Variants in RAB11FIP1 observed in about 807,000 individuals in gnomAD.
RAB11FIP1 encodes the protein RAB11 family interacting protein 1, also known as rab11 family-interacting protein 1.
Under a neutral mutation model 83.1 loss-of-function variants are expected in RAB11FIP1, and 49 were observed. The observed-to-expected ratio is 0.59, with a 90% CI of 0.47 to 0.75. The LOEUF (loss-of-function observed/expected upper bound fraction) is 0.75, where lower values mean the gene tolerates loss of function less well. Among genes scored for constraint, RAB11FIP1 ranks in the 30% least tolerant of loss-of-function variants. The pLI is 0.00. For missense variants in RAB11FIP1, 1,536 were observed against 1,598.7 expected (o/e 0.96, Z 0.67); for synonymous variants, 670 against 656.0 (o/e 1.02, Z -0.33).
In RAB11FIP1 at chr8:37,899,345, T is replaced by C; in HGVS notation, c.97A>G (p.Lys33Glu). 2 of 1,607,798 alleles carry C rather than the reference T, an allele frequency of 1.2e-6. No homozygotes were observed. Among genetic ancestry groups the C allele is most frequent in the Middle Eastern group, 1.7e-4 (1 of 6,040 alleles). Reference sequence around the variant, plus strand: ...GCGTCGCTCGTGCCCCCGGGGCCCTTGGCCCGCAGGCCCCGCGCCTGCAGC... The same window carrying C: ...GCGTCGCTCGTGCCCCCGGGGCCCTCGGCCCGCAGGCCCCGCGCCTGCAGC... ...TVLQARGLRAKGPGGTSDAYA... is the reference protein window; with the variant it reads ...TVLQARGLRAEGPGGTSDAYA... Residue 33 changes from lysine (K) to glutamate (E), a missense_variant, in exon 1 of 6, where the codon AAG (lysine) becomes GAG (glutamate). Physicochemically the swap from Lys to Glu is moderately conservative, Grantham distance 56. Transcript: ENST00000330843. This position sits in a 1 kb window ranked among gnomAD's most constrained non-coding sequence, Gnocchi z 4.5.
chr8:37,892,696 C>G (rs151053881), intron 1 of RAB11FIP1, among the ~76,000 whole-genome samples: 1 of 152,110 alleles, frequency 6.6e-6, no homozygotes, highest in African/African-American at 2.4e-5. Flanking sequence ...CCTTGGCCTC[C>G]CAAAGTACTG....
At position 37,894,813 on chromosome 8, in the gene RAB11FIP1, G is replaced by A. The variant is rs572023947; in HGVS notation, c.371+4258C>T. Among the ~76,000 whole-genome samples the A allele has an allele frequency of 3.3e-5, 5 of 150,090 alleles. No individual in the cohort carries two copies. In the South Asian group the frequency reaches 8.4e-4, roughly 25 times the overall value. On this transcript the variant is annotated intron_variant, in intron 1 of 5. Transcript: ENST00000330843. ...CGCCCAGGCTGGAATGCAGTGGTGCGATCTCAGCTCACTGCAACCTCCACC... is the reference window on the plus strand; with the variant it reads ...CGCCCAGGCTGGAATGCAGTGGTGCAATCTCAGCTCACTGCAACCTCCACC...
At chr8:37,865,815 T>C (rs1369659628) in intron 5 of RAB11FIP1, among the ~76,000 whole-genome samples, 1 of 152,224 alleles carries the variant, frequency 6.6e-6, no homozygotes, top group African/African-American at 2.4e-5. Context: ...TTTCAATTTG[T>C]ACAATTATAT....
At chr8:37,897,183 T>C (rs1228347469) in intron 1 of RAB11FIP1, among the ~76,000 whole-genome samples, 1 of 151,966 alleles carries the variant, frequency 6.6e-6, no homozygotes, top group African/African-American at 2.4e-5. Flanking sequence ...TTTTATCTGA[T>C]GTGAGTTCAG....
At chr8:37,893,139 A>G (rs1806984632) in intron 1 of RAB11FIP1, among the ~76,000 whole-genome samples, 1 of 150,688 alleles carries the variant, frequency 6.6e-6, no homozygotes, top group Non-Finnish European at 1.5e-5. Flanking sequence ...CAGTGGAGCA[A>G]TCTCGGCTCA....
intron 1 of RAB11FIP1, among the ~76,000 whole-genome samples, chr8:37,888,257 C>T (rs1317167896): frequency 6.6e-6 from 1 of 151,508 alleles, no homozygotes; most frequent in Middle Eastern, 3.4e-3. Context: ...CAGGCGCCCA[C>T]CACTACACCC....
In RAB11FIP1 at chr8:37,871,278, C is replaced by T. The variant is rs368503751; in HGVS notation, c.3524G>A (p.Arg1175Lys). 1.2e-6 allele frequency: 2 copies of T among 1,602,062 alleles called. No individual in the cohort carries two copies. Among genetic ancestry groups the T allele is most frequent in the Admixed American group, 1.7e-5 (1 of 57,544 alleles). Residue 1175 changes from arginine (R) to lysine (K), a missense_variant and splice_region_variant, in exon 4 of 6, where the codon AGA (arginine) becomes AAA (lysine). By Grantham distance (26) the Arg-to-Lys change is conservative. Coordinates refer to ENST00000330843, the MANE Select transcript of RAB11FIP1 (RefSeq NM_001002814.3). The stretch of plus-strand genomic sequence containing the variant: ...ATAGACAATCTCCCCCATCTCTCAC[C>T]TGTGCTTGGCTGACCCAGTTCCAGC... Reference protein sequence around the residue: ...PGAGTGSAKHRLHPVKPMNAM... With the variant: ...PGAGTGSAKHKLHPVKPMNAM...
In RAB11FIP1 at chr8:37,859,338, G is replaced by A. The variant is rs1011973332; in HGVS notation, c.*3557C>T. ...GCCTCTCTCTACAGTATGTGGCTGA[G>A]CATCATGGACCTTCCTCCCTCTGCC... is the stretch of plus-strand genomic sequence containing the variant. On this transcript the variant is annotated 3_prime_UTR_variant, in exon 6 of 6. Coordinates refer to ENST00000330843, the MANE Select transcript of RAB11FIP1 (RefSeq NM_001002814.3). The A allele has an allele frequency of 1.3e-5, 2 of 152,234 alleles. No homozygotes were observed. The highest frequency in any genetic ancestry group is 2.4e-5 in the African/African-American group (1 of 41,448). 9.4% of individuals were successfully genotyped at this position (152,234 alleles called of 1,614,324 possible).
rs527422569 is a variant in RAB11FIP1, at chr8:37,862,666, T to C, written c.*229A>G. On this transcript the variant is annotated 3_prime_UTR_variant, in exon 6 of 6. Coordinates refer to ENST00000330843, the MANE Select transcript of RAB11FIP1 (RefSeq NM_001002814.3). ...TGGGCATAAAATATTTACAACCTTG[T>C]TAAAGGCACAGTGGCATTTAAAACT... 10 of 472,518 alleles carry C rather than the reference T, an allele frequency of 2.1e-5. No homozygotes were observed. The highest frequency in any genetic ancestry group is 3.8e-5 in the Non-Finnish European group (10 of 261,678). 29.3% of individuals were successfully genotyped at this position (472,518 alleles called of 1,614,324 possible).
rs1314058881 is a variant in RAB11FIP1, at chr8:37,872,362, G to A, written c.2440C>T (p.Gln814Ter). 6.2e-7 allele frequency: 1 copy of A among 1,614,090 alleles called. No homozygotes were observed. The highest frequency in any genetic ancestry group is 1.3e-5 in the African/African-American group (1 of 74,932). The change falls in exon 4 of 6, where the codon CAG becomes TAG. Residue 814 changes from glutamine (Q) to a stop codon, truncating the protein, a stop_gained. Coordinates refer to ENST00000330843, the MANE Select transcript of RAB11FIP1 (RefSeq NM_001002814.3). LOFTEE classifies it high-confidence loss of function. ...KTKKRVSFSEQLFTEEAVAGA... is the reference protein window; with the variant it reads ...KTKKRVSFSE ...GCCACTGCCTCTTCCGTGAAGAGCT[G>A]CTCAGAAAATGACACACGCTTCTTG... is the stretch of plus-strand genomic sequence containing the variant.
At position 37,862,605 on chromosome 8, in the gene RAB11FIP1, C is replaced by G. The variant is rs1045483358; in HGVS notation, c.*290G>C. The stretch of plus-strand genomic sequence containing the variant: ...AATACTTCCTGTGCCATCTGAATCT[C>G]TGGCTCAGGATCAGATCTTATGACC... On this transcript the variant is annotated 3_prime_UTR_variant, in exon 6 of 6. Transcript: ENST00000330843. 5 of 288,036 alleles carry G rather than the reference C, an allele frequency of 1.7e-5. No homozygotes were observed. The highest frequency in any genetic ancestry group is 2.6e-5 in the Non-Finnish European group (4 of 151,670). The allele number at this position is 288,036 out of a possible 1,614,324, so 17.8% of individuals were successfully genotyped here.
chr8:37,890,611 T>C (rs921147076), intron 1 of RAB11FIP1, among the ~76,000 whole-genome samples: 3 of 152,050 alleles, frequency 2.0e-5, no homozygotes, highest in African/African-American at 7.2e-5. Flanking sequence ...ACAGGCATCA[T>C]TAGCCAGCAA....
At position 37,864,338 on chromosome 8, in the gene RAB11FIP1, C is replaced by T. The variant is rs1806301545; in HGVS notation, c.3634-1225G>A. Among the ~76,000 whole-genome samples the T allele has an allele frequency of 1.3e-5, 2 of 152,136 alleles. 1 individual carries two copies. Among genetic ancestry groups the T allele is most frequent in the South Asian group, 4.1e-4 (2 of 4,824 alleles). On this transcript the variant is annotated intron_variant, in intron 5 of 5. Coordinates refer to ENST00000330843, the MANE Select transcript of RAB11FIP1 (RefSeq NM_001002814.3). Reference sequence around the variant, plus strand: ...TGAAAAGTCACATGCTGTGTAAGTCCCCAGTAAGGAAAAAAAAGTGACTTT... The same window carrying T: ...TGAAAAGTCACATGCTGTGTAAGTCTCCAGTAAGGAAAAAAAAGTGACTTT...
At chr8:37,885,515 G>A (rs1318618454) in intron 1 of RAB11FIP1, among the ~76,000 whole-genome samples, 2 of 152,102 alleles carry the variant, frequency 1.3e-5, no homozygotes, top group East Asian at 1.9e-4. Context: ...CTACCCTGCA[G>A]TTTTTGTTTT....
rs953924704 is a variant in RAB11FIP1 at position 37,899,019 on chromosome 8, C to G, written c.371+52G>C. 2.2e-4 allele frequency: 306 copies of G among 1,415,190 alleles called. No homozygotes were observed. The highest frequency in any genetic ancestry group is 2.6e-4 in the Non-Finnish European group (287 of 1,093,960). 87.7% of individuals were successfully genotyped at this position (1,415,190 alleles called of 1,614,324 possible). A position where few individuals can be genotyped will look rare whatever the true frequency, so the allele number is the denominator to read the frequency against. Reference sequence around the variant, plus strand: ...GGGTCCAGCGCCCAGACCGCCCTGCCGGAGGGGTCCGCGCCCCCAGGCCGG... The same window carrying G: ...GGGTCCAGCGCCCAGACCGCCCTGCGGGAGGGGTCCGCGCCCCCAGGCCGG... On this transcript the variant is annotated intron_variant, in intron 1 of 5. Coordinates refer to ENST00000330843, the MANE Select transcript of RAB11FIP1 (RefSeq NM_001002814.3). The surrounding 1 kb of genome is among the most constrained non-coding windows in gnomAD (Gnocchi z 4.5).
Position 37,875,305 on chromosome 8 carries a change from T to C in RAB11FIP1, c.832A>G (p.Thr278Ala). 2 of 1,611,306 alleles carry C rather than the reference T, an allele frequency of 1.2e-6. No individual in the cohort carries two copies. Among genetic ancestry groups the C allele is most frequent in the East Asian group, 4.5e-5 (2 of 44,864 alleles). Residue 278 changes from threonine to alanine, a missense_variant, in exon 3 of 6, where the codon ACA (threonine) becomes GCA (alanine). Transcript: ENST00000330843. ...AGTTGCTTAAGATCCGTACTCGCTG[T>C]TCTCTTGTGAGACATGACTTTGGGA... ...SASDVMSHKRTASTDLKQLNQ... is the reference protein window; with the variant it reads ...SASDVMSHKRAASTDLKQLNQ...
intron 1 of RAB11FIP1, among the ~76,000 whole-genome samples, chr8:37,898,697 G>C (rs1365026996): frequency 1.3e-5 from 2 of 151,266 alleles, no homozygotes; most frequent in South Asian, 2.1e-4. Context: ...GTGCGCGCCT[G>C]TAATCCCAGC....
At chr8:37,898,262 A>T (rs938870491) in intron 1 of RAB11FIP1, among the ~76,000 whole-genome samples, 3 of 150,898 alleles carry the variant, frequency 2.0e-5, no homozygotes, top group African/African-American at 7.3e-5. Context: ...TGTAATCCCA[A>T]TACTTTGGGA....
intron 1 of RAB11FIP1, among the ~76,000 whole-genome samples, chr8:37,888,758 G>A (rs1231874792): frequency 6.7e-6 from 1 of 148,322 alleles, no homozygotes; most frequent in Non-Finnish European, 1.5e-5. Flanking sequence ...AGCCACCACT[G>A]CACCCAGCCC....
Sources: gnomAD v4.1 joint callset for allele counts (sites outside exome capture counted in the v4.1 genomes callset) on GRCh38, gnomAD v4.1.1 for gene constraint, Gnocchi (gnomAD v3.1) non-coding constraint, MANE v1.5 for transcripts, NCBI Gene and HGNC (gene_info 2026-07-23, HGNC 2026-07-21) for gene names.